Variants in EPHA8 observed in about 807,000 individuals in gnomAD.
EPHA8 encodes ephrin type-A receptor 8.
In EPHA8, 58 loss-of-function variants were observed where a neutral mutation model predicts 103.6. That is an observed-to-expected ratio of 0.56 (90% CI 0.45 to 0.70). The LOEUF is 0.70. EPHA8 is among the 30% of genes least tolerant of loss of function. The pLI, the probability that EPHA8 is intolerant of heterozygous loss-of-function variation, is 0.00. For synonymous variants in EPHA8, 559 were observed against 572.5 expected (o/e 0.98, Z 0.34); for missense variants, 1,304 against 1,395.2 (o/e 0.93, Z 1.04).
At chr1:22,588,482 T>C (rs1379284261) in intron 4 of EPHA8, among the ~76,000 whole-genome samples, 1 of 152,042 alleles carries the variant, frequency 6.6e-6, no homozygotes, top group Non-Finnish European at 1.5e-5. Flanking sequence ...CACAGAAGGG[T>C]CAAGGAATAG....
rs1294143326 is a variant in EPHA8, at chr1:22,600,540, G to A, written c.2389-121G>A. The A allele has an allele frequency of 3.0e-6, 4 of 1,340,686 alleles. No individual in the cohort carries two copies. In the African/African-American group the frequency reaches 4.4e-5, roughly 15 times the overall value. 83.0% of individuals were successfully genotyped at this position (1,340,686 alleles called of 1,614,324 possible). On this transcript the variant is annotated intron_variant, in intron 13 of 16. Coordinates refer to ENST00000166244, the MANE Select transcript of EPHA8 (RefSeq NM_020526.5). Reference sequence around the variant, plus strand: ...AGGACAGGTGCTCTGGGACGGTGGGGGCTGTGTTGTCCCTCTGGACTGGAA... The same window carrying A: ...AGGACAGGTGCTCTGGGACGGTGGGAGCTGTGTTGTCCCTCTGGACTGGAA...
chr1:22,591,546 G>A (rs1294677531), intron 5 of EPHA8, among the ~76,000 whole-genome samples: 4 of 152,072 alleles, frequency 2.6e-5, no homozygotes, highest in Admixed American at 2.6e-4. Context: ...TTTTTTAGAT[G>A]AAAATACATG....
chr1:22,587,487 G>A (rs1641249678), intron 4 of EPHA8, among the ~76,000 whole-genome samples: 1 of 152,300 alleles, frequency 6.6e-6, no homozygotes, highest in South Asian at 2.1e-4. Context: ...CTGAAGGTAT[G>A]GGGGGATTCT....
At position 22,595,280 on chromosome 1, in the gene EPHA8, A is replaced by G. The variant is rs770117043; in HGVS notation, c.1654A>G (p.Thr552Ala). ...TIVWICLTLI[T>A]GLVVLLLLLI... ...TGTCTGGATCTGCCTGACGCTCATCACGGGCCTGGTGGTGCTTCTGCTCCT... is the reference window on the plus strand; with the variant it reads ...TGTCTGGATCTGCCTGACGCTCATCGCGGGCCTGGTGGTGCTTCTGCTCCT... The change falls in exon 8 of 17, where the codon ACG becomes GCG. Residue 552 changes from threonine to alanine, a missense_variant. Transcript: ENST00000166244. 6 of 1,613,786 alleles carry G rather than the reference A, an allele frequency of 3.7e-6. No homozygotes were observed. The South Asian group carries it at 5.5e-5, about 15-fold the overall frequency.
chr1:22,578,872 T>A (rs1355349016), intron 3 of EPHA8, among the ~76,000 whole-genome samples: 1 of 131,384 alleles, frequency 7.6e-6, no homozygotes, highest in Non-Finnish European at 1.5e-5. Context: ...TATATGCACG[T>A]GTCCGTGTGT....
intron 5 of EPHA8, among the ~76,000 whole-genome samples, chr1:22,591,654 C>A (rs777553818): frequency 6.6e-6 from 1 of 152,198 alleles, no homozygotes; most frequent in Non-Finnish European, 1.5e-5. Flanking sequence ...TTCACCCCTG[C>A]CTGCCTCTCC....
At chr1:22,575,650 C>T (rs1316293336) in intron 2 of EPHA8, among the ~76,000 whole-genome samples, 1 of 152,166 alleles carries the variant, frequency 6.6e-6, no homozygotes, top group Non-Finnish European at 1.5e-5. Flanking sequence ...CCTGGGATTC[C>T]CTTGAGTGGG....
At position 22,567,615 on chromosome 1, in the gene EPHA8, C is replaced by T. The variant is rs962739624; in HGVS notation, c.95-1674C>T. Among the ~76,000 whole-genome samples, 4 of 151,950 alleles carry T rather than the reference C, an allele frequency of 2.6e-5. No homozygotes were observed. Among genetic ancestry groups the T allele is most frequent in the African/African-American group, 7.3e-5 (3 of 41,368 alleles). On this transcript the variant is annotated intron_variant, in intron 1 of 16. Coordinates refer to ENST00000166244, the MANE Select transcript of EPHA8 (RefSeq NM_020526.5). This position sits in a 1 kb window ranked among gnomAD's most constrained non-coding sequence, Gnocchi z 4.2. ...AGCCGGCCTCCTTCAGGGTCCCTGACGGTGGGGTGGGGAGGGTGAGAGGCA... is the reference window on the plus strand; with the variant it reads ...AGCCGGCCTCCTTCAGGGTCCCTGATGGTGGGGTGGGGAGGGTGAGAGGCA...
chr1:22,597,269 A>C lies in EPHA8; in HGVS notation c.1766-43A>C. 1.3e-6 allele frequency: 2 copies of C among 1,511,050 alleles called. No homozygotes were observed. Among genetic ancestry groups the C allele is most frequent in the Non-Finnish European group, 1.8e-6 (2 of 1,114,152 alleles). 93.6% of individuals were successfully genotyped at this position (1,511,050 alleles called of 1,614,324 possible). A position where few individuals can be genotyped will look rare whatever the true frequency, so the allele number is the denominator to read the frequency against. ...GCCCAGGGAATGTCAGGAAAAAGCA[A>C]TCTCTCCTGGGCCCCACTGAAGGCC... On this transcript the variant is annotated intron_variant, in intron 9 of 16. Coordinates refer to ENST00000166244, the MANE Select transcript of EPHA8 (RefSeq NM_020526.5). This position sits in a 1 kb window ranked among gnomAD's most constrained non-coding sequence, Gnocchi z 4.6.
At position 22,565,636 on chromosome 1, in the gene EPHA8, G is replaced by T. The variant is rs1280516067; in HGVS notation, c.94+1907G>T. On this transcript the variant is annotated intron_variant, in intron 1 of 16. Transcript: ENST00000166244. Reference sequence around the variant, plus strand: ...GGAGCCAGCACCCTCTGGAATCACAGGCTGGTAGCCCCAGAGCCCCTCGAA... The same window carrying T: ...GGAGCCAGCACCCTCTGGAATCACATGCTGGTAGCCCCAGAGCCCCTCGAA... Among the ~76,000 whole-genome samples, 4 of 152,312 alleles carry T rather than the reference G, an allele frequency of 2.6e-5. No homozygotes were observed. In the East Asian group the frequency reaches 7.7e-4, roughly 29 times the overall value.
At position 22,602,465 on chromosome 1, in the gene EPHA8, C is replaced by T. The variant is rs1351444237; in HGVS notation, c.*724C>T. ...GAGGCCACCTGCAGCCTCCACCCGG[C>T]TCTCACCGCTGCTTCAACAGGAAAA... On this transcript the variant is annotated 3_prime_UTR_variant, in exon 17 of 17. Coordinates refer to ENST00000166244, the MANE Select transcript of EPHA8 (RefSeq NM_020526.5). 1 of 153,124 alleles carries T rather than the reference C, an allele frequency of 6.5e-6. No homozygotes were observed. Among genetic ancestry groups the T allele is most frequent in the East Asian group, 1.9e-4 (1 of 5,188 alleles). 9.5% of individuals were successfully genotyped at this position (153,124 alleles called of 1,614,324 possible).
Position 22,598,845 on chromosome 1 carries a change from A to C in EPHA8, c.2186A>C (p.Asp729Ala). Residue 729 changes from aspartate to alanine, a missense_variant, in exon 13 of 17, where the codon GAC becomes GCC. Transcript: ENST00000166244. The surrounding 1 kb of genome is among the most constrained non-coding windows in gnomAD (Gnocchi z 5.1). The part of the protein sequence containing the change: ...GSLDTFLRTH[D>A]GQFTIMQLVG... ...AGCCATGTCCCCCTGCAGACCCACG[A>C]CGGGCAGTTCACCATCATGCAGCTG... 5 of 1,611,530 alleles carry C rather than the reference A, an allele frequency of 3.1e-6. No individual in the cohort carries two copies. Among genetic ancestry groups the C allele is most frequent in the Non-Finnish European group, 4.2e-6 (5 of 1,179,470 alleles).
chr1:22,572,837 C>G (rs1640581241), intron 2 of EPHA8, among the ~76,000 whole-genome samples: 1 of 152,158 alleles, frequency 6.6e-6, no homozygotes, highest in Non-Finnish European at 1.5e-5. Flanking sequence ...TGGGGGTGCC[C>G]CAGGCAGAGA....
intron 3 of EPHA8, among the ~76,000 whole-genome samples, chr1:22,578,185 C>T (rs11581338): frequency 0.39 from 32,362 of 82,390 alleles, 4,478 homozygotes; most frequent in African/African-American, 0.55. Flanking sequence ...CATGTGTGTG[C>T]GTGCATGTGT....
chr1:22,601,893 G>A lies in EPHA8; in HGVS notation c.*152G>A. The A allele has an allele frequency of 1.3e-6, 1 of 780,554 alleles. No individual in the cohort carries two copies. Among genetic ancestry groups the A allele is most frequent in the Non-Finnish European group, 2.0e-6 (1 of 490,510 alleles). 48.4% of individuals were successfully genotyped at this position (780,554 alleles called of 1,614,324 possible). A position where few individuals can be genotyped will look rare whatever the true frequency, so the allele number is the denominator to read the frequency against. On this transcript the variant is annotated 3_prime_UTR_variant, in exon 17 of 17. Coordinates refer to ENST00000166244, the MANE Select transcript of EPHA8 (RefSeq NM_020526.5). ...AGCTGAAGGCTTCGCCACAGGACCT[G>A]GAGTTATCAGGGGTCAGGCGCCTGG... is the stretch of plus-strand genomic sequence containing the variant.
At chr1:22,577,632 A>G (rs1387178126) in intron 3 of EPHA8, among the ~76,000 whole-genome samples, 1 of 152,044 alleles carries the variant, frequency 6.6e-6, no homozygotes, top group Non-Finnish European at 1.5e-5. Context: ...GGCCTTGTGG[A>G]GGAGGACAGT....
At chr1:22,599,184 G>T in intron 13 of EPHA8, 137 bp downstream of exon 13, 1 of 865,368 alleles carries the variant, frequency 1.2e-6, no homozygotes, top group Non-Finnish European at 1.8e-6. Flanking sequence ...GGCACATCCT[G>T]TTTCTCCTCT....
In EPHA8 at chr1:22,567,663, C is replaced by T. The variant is rs1367416812; in HGVS notation, c.95-1626C>T. ...GCAGGAGAAAATCAGCAAATAAGAG[C>T]ATCCTCACTCCAGCATTTCCTGAGG... On this transcript the variant is annotated intron_variant, in intron 1 of 16. Transcript: ENST00000166244. This position sits in a 1 kb window ranked among gnomAD's most constrained non-coding sequence, Gnocchi z 4.2. Among the ~76,000 whole-genome samples the T allele has an allele frequency of 1.3e-5, 2 of 152,156 alleles. No individual in the cohort carries two copies. The highest frequency in any genetic ancestry group is 2.4e-5 in the African/African-American group (1 of 41,434).
At position 22,586,565 on chromosome 1, in the gene EPHA8, CG is replaced by C; in HGVS notation, c.910del (p.Ala304ProfsTer30). 1 of 1,613,880 alleles carries C rather than the reference CG, an allele frequency of 6.2e-7. No homozygotes were observed. The highest frequency in any genetic ancestry group is 8.5e-7 in the Non-Finnish European group (1 of 1,179,976). On this transcript the variant is annotated frameshift_variant, in exon 4 of 17. Transcript: ENST00000166244. LOFTEE classifies it high-confidence loss of function. Reference protein sequence around the residue: ...PPHSHSAAPAAQACHCDLSYY... With the variant: ...PPHSHSAAPAXQACHCDLSYY... ...CCCACAGCCACTCCGCAGCTCCAGCCGCCCAAGCCTGCCACTGTGACCTCAG... is the reference window on the plus strand; with the variant it reads ...CCCACAGCCACTCCGCAGCTCCAGCCCCCAAGCCTGCCACTGTGACCTCAG...
Sources: gnomAD v4.1 joint callset for allele counts (sites outside exome capture counted in the v4.1 genomes callset) on GRCh38, gnomAD v4.1.1 for gene constraint, Gnocchi (gnomAD v3.1) non-coding constraint, MANE v1.5 for transcripts, NCBI Gene and HGNC (gene_info 2026-07-23, HGNC 2026-07-21) for gene names.